MACROD2: variants seen among roughly 807,000 people sequenced by gnomAD.
MACROD2 encodes the protein ADP-ribose glycohydrolase MACROD2.
MACROD2 carries 36 observed loss-of-function variants against 70.4 expected under a neutral mutation model. That is an observed-to-expected ratio of 0.51 (90% CI 0.39 to 0.68). The LOEUF (loss-of-function observed/expected upper bound fraction) is 0.68. Among genes scored for constraint, MACROD2 ranks in the 30% least tolerant of loss-of-function variants. The probability of loss-of-function intolerance (pLI) is 0.00; values close to 1 mark genes in which losing one functional copy is unlikely to be tolerated. For synonymous variants in MACROD2, 172 were observed against 178.8 expected, an observed-to-expected ratio of 0.96 and a Z score of 0.30; for missense variants, 496 against 538.4, an observed-to-expected ratio of 0.92 and a Z score of 0.78.
At chr20:15,398,427 A>ACTCT (rs1366529599) in intron 6 of MACROD2, among the ~76,000 whole-genome samples, 1 of 152,100 alleles carries the variant, frequency 6.6e-6, no homozygotes, top group Non-Finnish European at 1.5e-5. Context: ...AAATTAGGCT[A>ACTCT]CTCTCTATGG....
At chr20:14,075,263 C>T (rs1438229535) in intron 2 of MACROD2, among the ~76,000 whole-genome samples, 1 of 152,178 alleles carries the variant, frequency 6.6e-6, no homozygotes, top group Non-Finnish European at 1.5e-5. Context: ...TTTGCTGTCG[C>T]ATCTCAATCT....
chr20:15,711,128 T>C (rs1056917398), intron 8 of MACROD2, among the ~76,000 whole-genome samples: 54 of 152,158 alleles, frequency 3.5e-4, no homozygotes, highest in African/African-American at 1.2e-3. Flanking sequence ...CTGTGAAGGG[T>C]GTTGAAGACA....
chr20:14,135,052 A>G (rs962759459), intron 3 of MACROD2, among the ~76,000 whole-genome samples: 1 of 152,116 alleles, frequency 6.6e-6, no homozygotes, highest in Admixed American at 6.5e-5. Flanking sequence ...AAATTAATAT[A>G]TGATATAAAT....
At chr20:15,742,041 A>G (rs2051113232) in intron 8 of MACROD2, among the ~76,000 whole-genome samples, 1 of 152,236 alleles carries the variant, frequency 6.6e-6, no homozygotes, top group Non-Finnish European at 1.5e-5. Context: ...TCTGGGCCCC[A>G]CAATACAGAC....
At chr20:15,480,543 C>A (rs889779851) in intron 7 of MACROD2, among the ~76,000 whole-genome samples, 1 of 152,246 alleles carries the variant, frequency 6.6e-6, no homozygotes, top group South Asian at 2.1e-4. Context: ...CCTCTGCCCC[C>A]CTTCTCCACT....
rs184265187 is a variant in MACROD2 at position 14,696,036 on chromosome 20, A to G, written c.418+11077A>G. On this transcript the variant is annotated intron_variant, in intron 5 of 17. Transcript: ENST00000684519. ...AGTGCAGAACCTGCCTGTGTCAGAG[A>G]CAGGCCTAAATTGGAAAATGAAAGC... is the stretch of plus-strand genomic sequence containing the variant. 2.6e-5 allele frequency among the ~76,000 whole-genome samples: 4 copies of G among 152,324 alleles called. No homozygotes were observed. The East Asian group carries it at 7.7e-4, about 29-fold the overall frequency.
chr20:15,660,675 A>T (rs2049807835), intron 8 of MACROD2, among the ~76,000 whole-genome samples: 1 of 152,188 alleles, frequency 6.6e-6, no homozygotes, highest in African/African-American at 2.4e-5. Flanking sequence ...ATAGATGCTA[A>T]AATGTGTGTA....
intron 4 of MACROD2, chr20:14,554,262 G>A (rs553540098): frequency 4.6e-5 from 7 of 152,224 alleles, no homozygotes; most frequent in African/African-American, 1.7e-4. Flanking sequence ...GTCGTTAAAT[G>A]AGGTCAATAA....
At chr20:15,183,101 G>A (rs1400932334) in intron 5 of MACROD2, among the ~76,000 whole-genome samples, 5 of 152,136 alleles carry the variant, frequency 3.3e-5, no homozygotes, top group Admixed American at 6.5e-5. Context: ...TAGCCCACAT[G>A]GAATGGTGGC....
intron 5 of MACROD2, among the ~76,000 whole-genome samples, chr20:15,168,427 C>G (rs530793101): frequency 6.7e-6 from 1 of 149,138 alleles, no homozygotes; most frequent in Non-Finnish European, 1.5e-5. Context: ...CTCTTCCTCT[C>G]TCCACATTGT....
At position 15,650,727 on chromosome 20, in the gene MACROD2, A is replaced by AT. The variant is rs1046462634; in HGVS notation, c.645+150889dup. Among the ~76,000 whole-genome samples the AT allele has an allele frequency of 9.2e-4, 139 of 151,772 alleles. 2 individuals are homozygous for AT. Among genetic ancestry groups the AT allele is most frequent in the African/African-American group, 3.2e-3 (133 of 41,416 alleles). On this transcript the variant is annotated intron_variant, in intron 8 of 17. Coordinates refer to ENST00000684519, the MANE Select transcript of MACROD2 (RefSeq NM_001351661.2). ...TGCACCACTGATGTTGGATAGCACA[A>AT]TTTTTTTTTGTTTTTCAATGAATTA... is the stretch of plus-strand genomic sequence containing the variant.
chr20:15,177,516 C>T (rs2076471207), intron 5 of MACROD2, among the ~76,000 whole-genome samples: 1 of 151,794 alleles, frequency 6.6e-6, no homozygotes, highest in Non-Finnish European at 1.5e-5. Flanking sequence ...TCCTCTTTGA[C>T]TCATTCATCG....
intron 3 of MACROD2, among the ~76,000 whole-genome samples, chr20:14,322,310 A>C (rs1294598192): frequency 1.3e-5 from 2 of 149,560 alleles, no homozygotes; most frequent in African/African-American, 4.9e-5. Context: ...TTTCTGATTT[A>C]TTCCAGGCAA....
intron 7 of MACROD2, among the ~76,000 whole-genome samples, chr20:15,497,570 G>A (rs918877819): frequency 7.9e-5 from 12 of 151,996 alleles, no homozygotes; most frequent in African/African-American, 2.2e-4. Context: ...AGTTACAGGC[G>A]TGAGCCACCG....
chr20:14,557,440 C>T (rs1370389076), intron 4 of MACROD2, among the ~76,000 whole-genome samples: 2 of 151,794 alleles, frequency 1.3e-5, no homozygotes, highest in African/African-American at 2.4e-5. Flanking sequence ...AAATACAGGT[C>T]ACAAAATGGG....
At chr20:14,731,992 T>A (rs888639299) in intron 5 of MACROD2, among the ~76,000 whole-genome samples, 4 of 152,306 alleles carry the variant, frequency 2.6e-5, no homozygotes, top group South Asian at 4.1e-4. Flanking sequence ...AAATATTTTT[T>A]AAATTCTCGC....
intron 8 of MACROD2, among the ~76,000 whole-genome samples, chr20:15,599,087 TG>T (rs1426535947): frequency 6.6e-6 from 1 of 152,014 alleles, no homozygotes; most frequent in Non-Finnish European, 1.5e-5. Context: ...CAGTTTAAAG[TG>T]TTTAAATTGA....
intron 5 of MACROD2, among the ~76,000 whole-genome samples, chr20:14,916,053 C>T (rs1034442935): frequency 6.6e-6 from 1 of 152,192 alleles, no homozygotes; most frequent in Non-Finnish European, 1.5e-5. Flanking sequence ...TGTTTATTCT[C>T]ACAGAGAAAT....
intron 1 of MACROD2, among the ~76,000 whole-genome samples, chr20:13,996,114 C>A (rs2052642281): frequency 6.6e-6 from 1 of 151,150 alleles, no homozygotes; most frequent in Non-Finnish European, 1.5e-5. Flanking sequence ...CGGCGGGGAC[C>A]CCCAGGCGGC....
Sources: gnomAD v4.1 joint callset for allele counts (sites outside exome capture counted in the v4.1 genomes callset) on GRCh38, gnomAD v4.1.1 for gene constraint, MANE v1.5 for transcripts, NCBI Gene and HGNC (gene_info 2026-07-23, HGNC 2026-07-21) for gene names.